The following CTNNA2 variants were observed in gnomAD, a reference collection of about 807,000 sequenced individuals.
CTNNA2 encodes the protein catenin alpha-2.
Under a neutral mutation model 101.0 loss-of-function variants are expected in CTNNA2, and 42 were observed. That is an observed-to-expected ratio of 0.42 (90% CI 0.32 to 0.54). The LOEUF is 0.54. Among genes scored for constraint, CTNNA2 ranks in the 20% least tolerant of loss-of-function variants. The pLI, the probability that CTNNA2 is intolerant of heterozygous loss-of-function variation, is 0.14. For missense variants in CTNNA2, 871 were observed against 1,223.1 expected (o/e 0.71, Z 4.29); for synonymous variants, 450 against 456.4 (o/e 0.99, Z 0.18).
chr2:80,213,562 C>T (rs1708050504), intron 7 of CTNNA2, among the ~76,000 whole-genome samples: 1 of 152,174 alleles, frequency 6.6e-6, no homozygotes, highest in Non-Finnish European at 1.5e-5. Context: ...AATTTGATTG[C>T]ACTGTGGTCT....
intron 9 of CTNNA2, among the ~76,000 whole-genome samples, chr2:80,440,409 G>C (rs949647135): frequency 6.6e-6 from 1 of 152,192 alleles, no homozygotes. Flanking sequence ...GAGTTCCACA[G>C]TTTTAAGAAA....
chr2:79,925,325 T>C (rs1352214945), intron 7 of CTNNA2, among the ~76,000 whole-genome samples: 1 of 152,148 alleles, frequency 6.6e-6, no homozygotes, highest in Non-Finnish European at 1.5e-5. Context: ...CACATTGATA[T>C]TTCTAACAAT....
At chr2:79,818,515 C>G (rs1296245460) in intron 3 of CTNNA2, among the ~76,000 whole-genome samples, 1 of 151,330 alleles carries the variant, frequency 6.6e-6, no homozygotes, top group Non-Finnish European at 1.5e-5. Context: ...CGGGGTTTCA[C>G]CATGTTGGCC....
intron 7 of CTNNA2, among the ~76,000 whole-genome samples, chr2:80,184,758 A>G (rs1309719213): frequency 1.3e-5 from 2 of 151,758 alleles, no homozygotes; most frequent in African/African-American, 2.4e-5. Context: ...GAAAAGACAA[A>G]CCTTGGCTCA....
At chr2:80,615,421 G>T (rs1698773371) in intron 17 of CTNNA2, among the ~76,000 whole-genome samples, 1 of 151,536 alleles carries the variant, frequency 6.6e-6, no homozygotes, top group African/African-American at 2.4e-5. Context: ...AAAAGGCACG[G>T]TGATATATTT....
At chr2:80,597,493 G>A (rs1697085205) in intron 15 of CTNNA2, among the ~76,000 whole-genome samples, 2 of 152,114 alleles carry the variant, frequency 1.3e-5, no homozygotes, top group South Asian at 4.1e-4. Flanking sequence ...TTAATCTAAA[G>A]AGCTTCTCCA....
At chr2:79,482,569 A>G (rs1007809082) in intron 4 of CTNNA2, among the ~76,000 whole-genome samples, 1 of 152,156 alleles carries the variant, frequency 6.6e-6, no homozygotes, top group African/African-American at 2.4e-5. Flanking sequence ...TTTAAACCAG[A>G]TGAGGGTCAT....
chr2:80,345,240 C>T (rs1436075154), intron 7 of CTNNA2, among the ~76,000 whole-genome samples: 1 of 152,194 alleles, frequency 6.6e-6, no homozygotes, highest in Non-Finnish European at 1.5e-5. Context: ...TTACCTTCCA[C>T]TGCTCTTCTT....
At chr2:79,606,261 A>G (rs1677881925) in intron 1 of CTNNA2, among the ~76,000 whole-genome samples, 1 of 152,008 alleles carries the variant, frequency 6.6e-6, no homozygotes. Context: ...GAAAATATTG[A>G]GTGTTTTTTT....
At chr2:80,587,947 A>G (rs60590175) in intron 14 of CTNNA2, among the ~76,000 whole-genome samples, 13,743 of 152,158 alleles carry the variant, frequency 0.09, 909 homozygotes, top group African/African-American at 0.19. Flanking sequence ...GTTGATTCTC[A>G]TTACTCCTGA....
At position 80,529,458 on chromosome 2, in the gene CTNNA2, G is replaced by A. The variant is rs77626298; in HGVS notation, c.1291-15524G>A. On this transcript the variant is annotated intron_variant, in intron 9 of 18. Coordinates refer to ENST00000402739, the MANE Select transcript of CTNNA2 (RefSeq NM_001282597.3). ...GTTAAATTTTCTGTCTTCAGGGAAT[G>A]CTAAAACAATAATTGCAATTATTGC... is the stretch of plus-strand genomic sequence containing the variant. Among the ~76,000 whole-genome samples the A allele has an allele frequency of 5.9e-3, 900 of 152,260 alleles. 9 individuals carry two copies. Among genetic ancestry groups the A allele is most frequent in the African/African-American group, 0.02 (846 of 41,552 alleles).
At chr2:79,907,485 C>T (rs996575868) in intron 6 of CTNNA2, among the ~76,000 whole-genome samples, 4 of 152,024 alleles carry the variant, frequency 2.6e-5, no homozygotes, top group Admixed American at 6.6e-5. Context: ...AACACTAGTA[C>T]GTATAGCAGG....
intron 7 of CTNNA2, among the ~76,000 whole-genome samples, chr2:80,294,358 C>G (rs578191105): frequency 6.6e-6 from 1 of 152,266 alleles, no homozygotes; most frequent in South Asian, 2.1e-4. Flanking sequence ...GCACGTCTTT[C>G]TTCTATCAGT....
At chr2:80,580,349 T>C (rs1195188820) in intron 13 of CTNNA2, among the ~76,000 whole-genome samples, 2 of 152,186 alleles carry the variant, frequency 1.3e-5, no homozygotes, top group Non-Finnish European at 2.9e-5. Context: ...ACTTTATAGA[T>C]TGGAAAGGAT....
intron 9 of CTNNA2, among the ~76,000 whole-genome samples, chr2:80,457,311 G>C (rs780465026): frequency 3.9e-5 from 6 of 151,958 alleles, no homozygotes; most frequent in Non-Finnish European, 8.8e-5. Flanking sequence ...TTTTCTGCCC[G>C]CCTTGGCCTC....
At chr2:79,592,998 G>C (rs999934433) in intron 1 of CTNNA2, among the ~76,000 whole-genome samples, 3 of 152,196 alleles carry the variant, frequency 2.0e-5, no homozygotes, top group Non-Finnish European at 2.9e-5. Flanking sequence ...GCCAAGCTAC[G>C]CATAGTTTTC....
At chr2:79,727,948 G>A (rs1686959034) in intron 2 of CTNNA2, among the ~76,000 whole-genome samples, 1 of 151,878 alleles carries the variant, frequency 6.6e-6, no homozygotes, top group South Asian at 2.1e-4. Context: ...TGGTGTTTAT[G>A]TGCCACATTT....
At chr2:79,282,930 A>C (rs1484022242) in intron 2 of CTNNA2, among the ~76,000 whole-genome samples, 1 of 92,532 alleles carries the variant, frequency 1.1e-5, no homozygotes, top group African/African-American at 3.0e-5. Flanking sequence ...TTGTTTCCTG[A>C]CTTTTTAATG....
intron 17 of CTNNA2, among the ~76,000 whole-genome samples, chr2:80,616,699 C>CTAT (rs1410480356): frequency 2.7e-4 from 32 of 119,078 alleles, no homozygotes; most frequent in Admixed American, 1.4e-3. Context: ...AGCTAATCTA[C>CTAT]AGTTGGAGTA....
Sources: gnomAD v4.1 joint callset for allele counts (sites outside exome capture counted in the v4.1 genomes callset) on GRCh38, gnomAD v4.1.1 for gene constraint, MANE v1.5 for transcripts, NCBI Gene and HGNC (gene_info 2026-07-23, HGNC 2026-07-21) for gene names.